Variants in ANKRD6 observed in about 807,000 individuals in gnomAD.
The protein encoded by ANKRD6 is ankyrin repeat domain-containing protein 6.
Under a neutral mutation model 82.3 loss-of-function variants are expected in ANKRD6, and 56 were observed. That is an observed-to-expected ratio of 0.68 (90% CI 0.55 to 0.85). The LOEUF is 0.85. Among genes scored for constraint, ANKRD6 ranks in the 40% least tolerant of loss-of-function variants. The pLI is 0.00. For synonymous variants in ANKRD6, 347 were observed against 352.1 expected (o/e 0.99, Z 0.16); for missense variants, 852 against 907.6 (o/e 0.94, Z 0.79).
chr6:89,502,476 G>A (rs9294438), intron 1 of ANKRD6, among the ~76,000 whole-genome samples: 51,481 of 151,672 alleles, frequency 0.34, 9,029 homozygotes, highest in African/African-American at 0.39. Flanking sequence ...CGAAACCATG[G>A]CGAACCTTTA....
intron 1 of ANKRD6, among the ~76,000 whole-genome samples, chr6:89,534,379 GA>G (rs1783573541): frequency 6.6e-6 from 1 of 152,068 alleles, no homozygotes; most frequent in Non-Finnish European, 1.5e-5. Context: ...AAAGAATAAA[GA>G]AAACCCATCT....
intron 1 of ANKRD6, among the ~76,000 whole-genome samples, chr6:89,551,169 G>T (rs4706343): frequency 0.25 from 37,301 of 152,084 alleles, 5,285 homozygotes; most frequent in Middle Eastern, 0.33. Context: ...TTGTTAGGAA[G>T]GGGGTGGGAT....
chr6:89,448,913 C>G (rs1008921989), intron 1 of ANKRD6, among the ~76,000 whole-genome samples: 3 of 151,088 alleles, frequency 2.0e-5, no homozygotes, highest in Non-Finnish European at 2.9e-5. Context: ...GCCTGTAGTC[C>G]CAGCTACTTG....
chr6:89,622,455 G>A (rs527805515), intron 10 of ANKRD6, among the ~76,000 whole-genome samples: 4 of 152,312 alleles, frequency 2.6e-5, no homozygotes, highest in Non-Finnish European at 4.4e-5. Context: ...TCAGAAACTC[G>A]GGTGGGGCCC....
intron 1 of ANKRD6, among the ~76,000 whole-genome samples, chr6:89,545,531 C>A (rs1442763891): frequency 6.6e-6 from 1 of 152,174 alleles, no homozygotes; most frequent in Non-Finnish European, 1.5e-5. Context: ...TTTGTACAAG[C>A]CTTCTCTATG....
At chr6:89,499,358 T>C (rs914977084) in intron 1 of ANKRD6, among the ~76,000 whole-genome samples, 4 of 152,208 alleles carry the variant, frequency 2.6e-5, no homozygotes, top group African/African-American at 9.6e-5. Context: ...CTGGTGAGCC[T>C]GCTTTTTTGT....
At chr6:89,622,127 C>A (rs1803616839) in intron 10 of ANKRD6, 101 bp downstream of exon 10, 3 of 945,360 alleles carry the variant, frequency 3.2e-6, no homozygotes, top group Non-Finnish European at 3.2e-6. Flanking sequence ...CTGCCCGGCC[C>A]TCTCTGCCTC....
rs935971439 is a variant in ANKRD6 at position 89,589,520 on chromosome 6, A to G, written c.121-6396A>G. Among the ~76,000 whole-genome samples the G allele has an allele frequency of 7.9e-5, 12 of 152,302 alleles. No individual in the cohort carries two copies. The South Asian group carries it at 1.2e-3, about 16-fold the overall frequency. On this transcript the variant is annotated intron_variant, in intron 2 of 15. Coordinates refer to ENST00000339746, the MANE Select transcript of ANKRD6 (RefSeq NM_001242809.2). ...TTACCTTTGGCTGGGCTCCCTTGTC[A>G]TCCTCACTGGCGGGAGATCATTATC...
At chr6:89,440,588 G>A (rs1203801822) in intron 1 of ANKRD6, among the ~76,000 whole-genome samples, 1 of 152,174 alleles carries the variant, frequency 6.6e-6, no homozygotes, top group Admixed American at 6.5e-5. Context: ...TGCCAAAGTG[G>A]CATATTTTGG....
At chr6:89,563,887 G>A (rs918206985) in intron 1 of ANKRD6, among the ~76,000 whole-genome samples, 4 of 152,070 alleles carry the variant, frequency 2.6e-5, no homozygotes, top group African/African-American at 9.7e-5. Flanking sequence ...GGAGAGAGGT[G>A]GTGTCTCTGC....
chr6:89,616,377 G>A (rs1801584634), intron 7 of ANKRD6, 182 bp from the exon 8 acceptor site: 4 of 593,348 alleles, frequency 6.7e-6, no homozygotes, highest in South Asian at 2.1e-5. Flanking sequence ...TTGGTGCCGA[G>A]GTCACTTAGT....
intron 1 of ANKRD6, among the ~76,000 whole-genome samples, chr6:89,470,262 T>G (rs952166116): frequency 6.6e-6 from 1 of 152,224 alleles, no homozygotes; most frequent in East Asian, 1.9e-4. Context: ...CTAGTTCTTG[T>G]TAATCCTCAG....
intron 1 of ANKRD6, among the ~76,000 whole-genome samples, chr6:89,503,698 A>T (rs138275741): frequency 4.1e-4 from 62 of 152,334 alleles, no homozygotes; most frequent in African/African-American, 1.4e-3. Flanking sequence ...AGATGGCAAT[A>T]AGTGCTAAGA....
At chr6:89,471,359 C>CAAAAAAAAAAAAAA (rs568718441) in intron 1 of ANKRD6, among the ~76,000 whole-genome samples, 5 of 57,124 alleles carry the variant, frequency 8.8e-5, no homozygotes, top group African/African-American at 6.5e-5. Flanking sequence ...ACAACAACAA[C>CAAAAAAAAAAAAAA]AAAAAAAAAA....
At chr6:89,600,646 T>G (rs1306106962) in intron 3 of ANKRD6, among the ~76,000 whole-genome samples, 6 of 152,152 alleles carry the variant, frequency 3.9e-5, no homozygotes, top group Admixed American at 1.3e-4. Context: ...AGCAGGTCAG[T>G]AATCATCATT....
At chr6:89,611,492 T>TA (rs1800249420) in intron 5 of ANKRD6, among the ~76,000 whole-genome samples, 1 of 152,220 alleles carries the variant, frequency 6.6e-6, no homozygotes, top group Admixed American at 6.5e-5. Context: ...CCTACTCCCA[T>TA]AGACTCAAAA....
At chr6:89,616,923 G>A (rs1462485517) in intron 8 of ANKRD6, 3 of 609,650 alleles carry the variant, frequency 4.9e-6, no homozygotes, top group Admixed American at 4.3e-5. Flanking sequence ...ACTCAGGGAT[G>A]TCCAGTTAAA....
intron 1 of ANKRD6, among the ~76,000 whole-genome samples, chr6:89,531,150 A>G (rs1029281022): frequency 1.3e-5 from 2 of 152,234 alleles, no homozygotes; most frequent in African/African-American, 4.8e-5. Context: ...GTGAGCATGC[A>G]TCCGCCTGCC....
Position 89,617,934 on chromosome 6 carries a change from C to T in ANKRD6, c.715-20C>T. On this transcript the variant is annotated intron_variant, in intron 8 of 15. Coordinates refer to ENST00000339746, the MANE Select transcript of ANKRD6 (RefSeq NM_001242809.2). ...GGACCCGTGGCCCTTTCTCACCTGTCCTACTCTGCCTCTCCTCAGGCAGGC... is the reference window on the plus strand; with the variant it reads ...GGACCCGTGGCCCTTTCTCACCTGTTCTACTCTGCCTCTCCTCAGGCAGGC... 3 of 1,613,050 alleles carry T rather than the reference C, an allele frequency of 1.9e-6. No homozygotes were observed. Among genetic ancestry groups the T allele is most frequent in the Middle Eastern group, 3.4e-4 (2 of 5,848 alleles).
Sources: allele counts gnomAD v4.1 joint callset (sites outside exome capture counted in the v4.1 genomes callset), GRCh38; gene constraint gnomAD v4.1.1; transcripts MANE v1.5; gene names NCBI Gene and HGNC (gene_info 2026-07-23, HGNC 2026-07-21).